The following SLC45A4 variants were observed in gnomAD, a reference collection of about 807,000 sequenced individuals.
SLC45A4 encodes polyamine-transporter SLC45A4.
SLC45A4 carries 32 observed loss-of-function variants against 63.7 expected under a neutral mutation model. The observed-to-expected ratio is 0.50, with a 90% CI of 0.38 to 0.67. SLC45A4 has a LOEUF of 0.67. Ranked by LOEUF, SLC45A4 falls within the 30% of genes least tolerant of loss-of-function variation. The pLI is 0.00. For missense variants in SLC45A4, 1,027 were observed against 1,157.7 expected, an observed-to-expected ratio of 0.89 and a Z score of 1.64; for synonymous variants, 535 against 510.0, an observed-to-expected ratio of 1.05 and a Z score of -0.66.
chr8:141,300,657 T>C (rs943494074), intron 1 of SLC45A4, among the ~76,000 whole-genome samples: 1 of 152,230 alleles, frequency 6.6e-6, no homozygotes, highest in Non-Finnish European at 1.5e-5. Flanking sequence ...ACCAGATTCC[T>C]GCCAGGCAAA....
At chr8:141,266,261 C>T (rs1303599892) in intron 1 of SLC45A4, among the ~76,000 whole-genome samples, 5 of 152,208 alleles carry the variant, frequency 3.3e-5, no homozygotes, top group African/African-American at 7.2e-5. Flanking sequence ...TGTACACGCA[C>T]GCATGGGCCT....
intron 3 of SLC45A4, among the ~76,000 whole-genome samples, chr8:141,220,930 A>G (rs1826582010): frequency 6.6e-6 from 1 of 152,238 alleles, no homozygotes; most frequent in African/African-American, 2.4e-5. Context: ...AGTCAGAGGC[A>G]TCGCCTGTTG....
chr8:141,244,108 G>A (rs925315963), intron 2 of SLC45A4, among the ~76,000 whole-genome samples: 1 of 152,108 alleles, frequency 6.6e-6, no homozygotes, highest in Non-Finnish European at 1.5e-5. Context: ...GGCTACTTGG[G>A]AGACTGCGCC....
At position 141,211,602 on chromosome 8, in the gene SLC45A4, T is replaced by A. The variant is rs1247874871; in HGVS notation, c.2397A>T (p.Lys799Asn). Residue 799 changes from lysine (K) to asparagine (N), a missense_variant, in exon 9 of 9, where the codon AAA becomes AAT. Physicochemically the swap from Lys to Asn is moderately conservative, Grantham distance 94. Coordinates refer to ENST00000517878, the MANE Select transcript of SLC45A4 (RefSeq NM_001286646.2). ...AGAACCACATTGTGGAAAAGAAAAT[T>A]TTTTTTCTAAAATAATCATAAAGAA... Reference protein sequence around the residue: ...SIFLYDYFRKKIFFSTMWFS With the variant: ...SIFLYDYFRKNIFFSTMWFS 2.5e-6 allele frequency: 4 copies of A among 1,612,506 alleles called. No homozygotes were observed. The highest frequency in any genetic ancestry group is 1.7e-5 in the Admixed American group (1 of 59,928).
rs969577267 is a variant in SLC45A4 at position 141,258,160 on chromosome 8, C to A, written c.-400-3531G>T. Among the ~76,000 whole-genome samples, 4 of 151,826 alleles carry A rather than the reference C, an allele frequency of 2.6e-5. No individual in the cohort carries two copies. The East Asian group carries it at 7.8e-4, about 29-fold the overall frequency. On this transcript the variant is annotated intron_variant, in intron 1 of 8. Transcript: ENST00000517878. ...AAATCCCAGCTCTGCGCTGGATCTG[C>A]CCCCTGGGTCACAGTTTGCTGCCCT...
chr8:141,212,618 A>C (rs1207416306), intron 7 of SLC45A4, 62 bp from the exon 8 acceptor site: 1 of 1,508,686 alleles, frequency 6.6e-7, no homozygotes, highest in African/African-American at 1.4e-5. Flanking sequence ...CCCGTGCTTC[A>C]CAACTGTGAG....
chr8:141,218,388 C>T lies in SLC45A4; in HGVS notation c.1252G>A (p.Ala418Thr), dbSNP rs766675251. The change falls in exon 5 of 9, where the codon GCG (alanine) becomes ACG (threonine). Residue 418 changes from alanine to threonine, a missense_variant. Coordinates refer to ENST00000517878, the MANE Select transcript of SLC45A4 (RefSeq NM_001286646.2). Reference sequence around the variant, plus strand: ...GTGCTGGAGGCCTGCCTGCGGAACGCGTGCCGCCGCCGCCGCATGGAGCTC... The same window carrying T: ...GTGCTGGAGGCCTGCCTGCGGAACGTGTGCCGCCGCCGCCGCATGGAGCTC... ...TSSSMRRRRH[A>T]FRRQASSTFS... 60 of 1,608,364 alleles carry T rather than the reference C, an allele frequency of 3.7e-5. No homozygotes were observed. In the East Asian group the frequency reaches 4.0e-4, roughly 11 times the overall value.
rs1827106196 is a variant in SLC45A4, at chr8:141,227,822, G to T, written c.242-6057C>A. Among the ~76,000 whole-genome samples the T allele has an allele frequency of 6.6e-6, 1 of 152,232 alleles. No individual in the cohort carries two copies. The highest frequency in any genetic ancestry group is 1.9e-4 in the East Asian group (1 of 5,196). On this transcript the variant is annotated intron_variant, in intron 2 of 8. Transcript: ENST00000517878. This position sits in a 1 kb window ranked among gnomAD's most constrained non-coding sequence, Gnocchi z 4.4. ...ACTACAAACCGGCCCGTCATTTAGG[G>T]TGGAGGGGACAGCAGCACCTTGAGT...
intron 1 of SLC45A4, among the ~76,000 whole-genome samples, chr8:141,270,208 G>T (rs539690692): frequency 3.3e-5 from 5 of 151,940 alleles, no homozygotes; most frequent in Non-Finnish European, 7.4e-5. Flanking sequence ...AGGCAGAGGG[G>T]CCAGTCCAAC....
intron 1 of SLC45A4, among the ~76,000 whole-genome samples, chr8:141,285,241 A>G (rs985438715): frequency 9.9e-5 from 15 of 152,074 alleles, no homozygotes; most frequent in African/African-American, 3.6e-4. Context: ...GCTGGGAACC[A>G]CAACGCGCCC....
chr8:141,300,355 G>A (rs1055955742), intron 1 of SLC45A4, among the ~76,000 whole-genome samples: 8 of 152,252 alleles, frequency 5.3e-5, no homozygotes, highest in Non-Finnish European at 5.9e-5. Flanking sequence ...GGGATGGGAA[G>A]TGGTGGTTTT....
In SLC45A4 at chr8:141,218,977, G is replaced by A. The variant is rs756093271; in HGVS notation, c.663C>T (p.Thr221=). The A allele has an allele frequency of 1.1e-5, 17 of 1,613,456 alleles. No homozygotes were observed. The East Asian group carries it at 3.3e-4, about 32-fold the overall frequency. ...GGGTCCGGAACCAGCTGCCCAGGAAGGTCTGGGTCCAGTCCAGCCCACCCA... is the reference window on the plus strand; with the variant it reads ...GGGTCCGGAACCAGCTGCCCAGGAAAGTCTGGGTCCAGTCCAGCCCACCCA... The part of the protein sequence containing the change: ...YVLGGLDWTQ[T]FLGSWFRTQN... The change falls in exon 5 of 9, where the codon ACC becomes ACT. Residue 221 remains threonine (T), a synonymous_variant. Transcript: ENST00000517878.
At chr8:141,267,954 T>G (rs1413084063) in intron 1 of SLC45A4, among the ~76,000 whole-genome samples, 3 of 152,194 alleles carry the variant, frequency 2.0e-5, no homozygotes, top group Non-Finnish European at 4.4e-5. Flanking sequence ...AGCAACCAAG[T>G]TCCTTGGTAT....
At chr8:141,212,155 C>T (rs763393672) in intron 8 of SLC45A4, 42 bp downstream of exon 8, 2 of 758,268 alleles carry the variant, frequency 2.6e-6, no homozygotes, top group East Asian at 5.4e-5. Flanking sequence ...CGCCCGCCCA[C>T]CCGCCCACTG....
At chr8:141,307,832 G>A (rs1830947891) in intron 1 of SLC45A4, among the ~76,000 whole-genome samples, 2 of 150,348 alleles carry the variant, frequency 1.3e-5, no homozygotes, top group South Asian at 2.1e-4. Context: ...GAATGAGGGA[G>A]GCTGCAGGGC....
chr8:141,236,641 T>A (rs1827638548), intron 2 of SLC45A4, among the ~76,000 whole-genome samples: 2 of 152,372 alleles, frequency 1.3e-5, no homozygotes, highest in South Asian at 4.1e-4. Flanking sequence ...CTGGGAAGCA[T>A]CCTGCTGGTG....
rs912892693 is a variant in SLC45A4, at chr8:141,210,221, T to G, written c.*1351A>C. ...GAGGATCAAGTTGCATAGAGTGAGCTGCCACGGACGCCCGGCCGAGGTGAG... is the reference window on the plus strand; with the variant it reads ...GAGGATCAAGTTGCATAGAGTGAGCGGCCACGGACGCCCGGCCGAGGTGAG... On this transcript the variant is annotated 3_prime_UTR_variant, in exon 9 of 9. Coordinates refer to ENST00000517878, the MANE Select transcript of SLC45A4 (RefSeq NM_001286646.2). 1 of 152,298 alleles carries G rather than the reference T, an allele frequency of 6.6e-6. No individual in the cohort carries two copies. The highest frequency in any genetic ancestry group is 1.5e-5 in the Non-Finnish European group (1 of 68,100). 9.4% of individuals were successfully genotyped at this position (152,298 alleles called of 1,614,324 possible).
At chr8:141,291,643 G>C (rs1251263594) in intron 1 of SLC45A4, among the ~76,000 whole-genome samples, 2 of 152,178 alleles carry the variant, frequency 1.3e-5, no homozygotes, top group Non-Finnish European at 2.9e-5. Context: ...AAGAGGAATG[G>C]ACAAACGTAT....
chr8:141,225,201 T>TTA (rs1277864775), intron 2 of SLC45A4: 1 of 152,176 alleles, frequency 6.6e-6, no homozygotes, highest in African/African-American at 2.4e-5. Context: ...ACATGTCTAA[T>TTA]AACATTGAGT....
Sources: gnomAD v4.1 joint callset for allele counts (sites outside exome capture counted in the v4.1 genomes callset) on GRCh38, gnomAD v4.1.1 for gene constraint, Gnocchi (gnomAD v3.1) non-coding constraint, MANE v1.5 for transcripts, NCBI Gene and HGNC (gene_info 2026-07-23, HGNC 2026-07-21) for gene names.